The following PRKG1 variants were observed in gnomAD, a reference collection of about 807,000 sequenced individuals.
PRKG1 encodes protein kinase cGMP-dependent 1.
A neutral mutation model predicts 88.1 loss-of-function variants in PRKG1; 35 were observed. That is an observed-to-expected ratio of 0.40 (90% CI 0.30 to 0.53). The LOEUF (loss-of-function observed/expected upper bound fraction) is 0.53, where lower values mean the gene tolerates loss of function less well. Among genes scored for constraint, PRKG1 ranks in the 20% least tolerant of loss-of-function variants. PRKG1 has a pLI of 0.59. For synonymous variants in PRKG1, 303 were observed against 292.5 expected, an observed-to-expected ratio of 1.04 and a Z score of -0.37; for missense variants, 540 against 839.8, an observed-to-expected ratio of 0.64 and a Z score of 4.41.
intron 4 of PRKG1, among the ~76,000 whole-genome samples, chr10:51,843,742 A>T (rs1416055203): frequency 6.6e-6 from 1 of 152,170 alleles, no homozygotes; most frequent in African/African-American, 2.4e-5. Context: ...ATTTTTATGT[A>T]TACTGAATTA....
At chr10:52,250,825 C>T (rs149577628) in intron 9 of PRKG1, among the ~76,000 whole-genome samples, 108 of 152,228 alleles carry the variant, frequency 7.1e-4, no homozygotes, top group African/African-American at 2.5e-3. Context: ...GTCAGGTTTG[C>T]ATGTGTGCAT....
At chr10:51,196,481 G>C (rs1435974190) in intron 2 of PRKG1, among the ~76,000 whole-genome samples, 1 of 152,088 alleles carries the variant, frequency 6.6e-6, no homozygotes, top group Non-Finnish European at 1.5e-5. Context: ...AGAAACCTTT[G>C]TCAGTGACAG....
intron 3 of PRKG1, among the ~76,000 whole-genome samples, chr10:51,725,313 G>C (rs1177812295): frequency 6.6e-6 from 1 of 152,184 alleles, no homozygotes; most frequent in Non-Finnish European, 1.5e-5. Flanking sequence ...TTTCCTTCCA[G>C]CTGATGGAAT....
intron 3 of PRKG1, among the ~76,000 whole-genome samples, chr10:51,701,224 T>C (rs1420763925): frequency 1.3e-5 from 2 of 152,356 alleles, no homozygotes; most frequent in Non-Finnish European, 2.9e-5. Context: ...AAGCCTGTGC[T>C]TTAATTCCAA....
chr10:51,053,237 A>G (rs1357955352), intron 1 of PRKG1, among the ~76,000 whole-genome samples: 1 of 109,056 alleles, frequency 9.2e-6, no homozygotes, highest in Non-Finnish European at 1.8e-5. Context: ...TCTCAAATAA[A>G]TAAATAAATA....
At position 51,173,411 on chromosome 10, in the gene PRKG1, A is replaced by AGTGT. The variant is rs3998227; in HGVS notation, c.478+20094_478+20097dup. Among the ~76,000 whole-genome samples the AGTGT allele has an allele frequency of 4.1e-3, 621 of 149,972 alleles. 1 individual carries two copies. The highest frequency in any genetic ancestry group is 0.013 in the East Asian group (65 of 5,132). ...TCAATTAAGATCATTAGAGTTGGGC[A>AGTGT]GTGTGTGTGTGTGTGTATTTGTGTG... On this transcript the variant is annotated intron_variant, in intron 2 of 17. Coordinates refer to ENST00000373980, the MANE Select transcript of PRKG1 (RefSeq NM_006258.4).
intron 1 of PRKG1, among the ~76,000 whole-genome samples, chr10:51,128,023 C>T (rs1203653520): frequency 6.6e-6 from 1 of 152,062 alleles, no homozygotes; most frequent in African/African-American, 2.4e-5. Context: ...GGCTTAAAAC[C>T]TAGATGACAG....
intron 2 of PRKG1, among the ~76,000 whole-genome samples, chr10:51,392,624 C>A (rs921265470): frequency 2.0e-5 from 3 of 151,514 alleles, no homozygotes; most frequent in African/African-American, 4.8e-5. Flanking sequence ...GTCATCATGG[C>A]GCGTTCTCAA....
intron 5 of PRKG1, among the ~76,000 whole-genome samples, chr10:51,912,456 A>G (rs1842239241): frequency 6.6e-6 from 1 of 152,190 alleles, no homozygotes; most frequent in African/African-American, 2.4e-5. Context: ...GCTACTGCAA[A>G]ATAACCCAGG....
At chr10:52,188,994 G>A (rs1327360945) in intron 9 of PRKG1, among the ~76,000 whole-genome samples, 3 of 152,064 alleles carry the variant, frequency 2.0e-5, no homozygotes, top group African/African-American at 7.2e-5. Flanking sequence ...AATCTAATAA[G>A]AAATATGGCA....
At chr10:51,085,677 CT>C (rs889294059) in intron 1 of PRKG1, among the ~76,000 whole-genome samples, 15 of 151,580 alleles carry the variant, frequency 9.9e-5, no homozygotes, top group Admixed American at 6.6e-4. Flanking sequence ...CTTAATGTAA[CT>C]TTTTTTTCAG....
intron 1 of PRKG1, among the ~76,000 whole-genome samples, chr10:51,107,180 C>A (rs143546785): frequency 6.6e-6 from 1 of 151,970 alleles, no homozygotes; most frequent in South Asian, 2.1e-4. Context: ...GAACAAGCTT[C>A]GTGTACATGA....
chr10:51,356,826 C>T (rs1564459963), intron 2 of PRKG1, among the ~76,000 whole-genome samples: 1 of 151,982 alleles, frequency 6.6e-6, no homozygotes, highest in South Asian at 2.1e-4. Flanking sequence ...TTGCCTGACT[C>T]CCATTGCACC....
chr10:51,495,393 C>A (rs1309964828), intron 3 of PRKG1, among the ~76,000 whole-genome samples: 1 of 152,216 alleles, frequency 6.6e-6, no homozygotes, highest in Non-Finnish European at 1.5e-5. Flanking sequence ...CCGCACCCGA[C>A]CCTGAATCTT....
chr10:51,899,012 A>T (rs1204142389), intron 4 of PRKG1, among the ~76,000 whole-genome samples: 1 of 152,124 alleles, frequency 6.6e-6, no homozygotes. Context: ...ACCTAACACA[A>T]TATCTGTTAA....
At chr10:51,060,465 G>T (rs967320834) in intron 1 of PRKG1, among the ~76,000 whole-genome samples, 1 of 151,824 alleles carries the variant, frequency 6.6e-6, no homozygotes, top group African/African-American at 2.4e-5. Context: ...TATACAAGTT[G>T]TGCTTCTTTA....
intron 1 of PRKG1, among the ~76,000 whole-genome samples, chr10:50,992,921 A>G (rs1342984365): frequency 6.6e-6 from 1 of 151,960 alleles, no homozygotes; most frequent in Non-Finnish European, 1.5e-5. Context: ...CTCTTCTTAG[A>G]TCATTTGCTG....
intron 10 of PRKG1, among the ~76,000 whole-genome samples, chr10:52,256,340 T>C (rs1370660612): frequency 7.2e-6 from 1 of 138,982 alleles, no homozygotes; most frequent in African/African-American, 2.5e-5. Context: ...CTGCTCCTAG[T>C]TTAATGGCAA....
At chr10:51,910,199 GC>G (rs1368792677) in intron 5 of PRKG1, 1 of 151,278 alleles carries the variant, frequency 6.6e-6, no homozygotes, top group Non-Finnish European at 1.5e-5. Context: ...AGGTAGGAGA[GC>G]TTTTAAGCAC....
Sources: allele counts gnomAD v4.1 joint callset (sites outside exome capture counted in the v4.1 genomes callset), GRCh38; gene constraint gnomAD v4.1.1; transcripts MANE v1.5; gene names NCBI Gene and HGNC (gene_info 2026-07-23, HGNC 2026-07-21).